Variants in IFIT3 observed in about 807,000 individuals in gnomAD.
IFIT3 encodes interferon induced protein with tetratricopeptide repeats 3.
IFIT3 carries 2 observed loss-of-function variants against 2.4 expected under a neutral mutation model. The observed-to-expected ratio is 0.82, with a 90% CI of 0.34 to 2.60. IFIT3 has a LOEUF of 2.60. IFIT3 is among the 30% of genes most tolerant of loss of function. The pLI is 0.11. For missense variants in IFIT3, 481 were observed against 562.4 expected (o/e 0.86, Z 1.46); for synonymous variants, 203 against 212.1 (o/e 0.96, Z 0.37).
In IFIT3 at chr10:89,340,340, C is replaced by T. The variant is rs1212259977; in HGVS notation, c.*212C>T. The stretch of plus-strand genomic sequence containing the variant: ...TTGGGAGGCCGAGGTGGGCGGATCA[C>T]GAGGTCTGGAGTTTGAGACCATCCT... On this transcript the variant is annotated 3_prime_UTR_variant, in exon 2 of 2. Transcript: ENST00000371818. 4.6e-6 allele frequency: 2 copies of T among 435,578 alleles called. No individual in the cohort carries two copies. The highest frequency in any genetic ancestry group is 8.2e-6 in the Non-Finnish European group (2 of 243,382). The allele number at this position is 435,578 out of a possible 1,614,324, so 27.0% of individuals were successfully genotyped here. A position where few individuals can be genotyped will look rare whatever the true frequency, so the allele number is the denominator to read the frequency against.
Position 89,340,902 on chromosome 10 carries a change from AATACC to A in IFIT3, c.*778_*782del, listed in dbSNP as rs1035996610. On this transcript the variant is annotated 3_prime_UTR_variant, in exon 2 of 2. Transcript: ENST00000371818. ...TGTATTTATATGTATTCTTGATAGC[AATACC>A]ATAATCAATGTGTATTCCTGATAGT... 6.6e-6 allele frequency: 1 copy of A among 152,248 alleles called. No homozygotes were observed. The highest frequency in any genetic ancestry group is 2.4e-5 in the African/African-American group (1 of 41,466). 9.4% of individuals were successfully genotyped at this position (152,248 alleles called of 1,614,324 possible).
chr10:89,340,057 G>A lies in IFIT3; in HGVS notation c.1402G>A (p.Glu468Lys). The A allele has an allele frequency of 6.2e-7, 1 of 1,614,122 alleles. No homozygotes were observed. The highest frequency in any genetic ancestry group is 1.3e-5 in the African/African-American group (1 of 75,048). Residue 468 changes from glutamate to lysine, a missense_variant, in exon 2 of 2, where the codon GAG becomes AAG. Glu to Lys is a moderately conservative substitution (Grantham distance 56). Coordinates refer to ENST00000371818, the MANE Select transcript of IFIT3 (RefSeq NM_001549.6). ...AGCATCTGAGCTTGAGGATGGTAGT[G>A]AGGAAATGGGCCAGGGCGCAGTCAG... is the stretch of plus-strand genomic sequence containing the variant. ...LSASELEDGS[E>K]EMGQGAVSSS...
chr10:89,331,118 A>G (rs1410202761), intron 1 of IFIT3, among the ~76,000 whole-genome samples: 1 of 152,224 alleles, frequency 6.6e-6, no homozygotes, highest in Non-Finnish European at 1.5e-5. Flanking sequence ...TTACATAGGC[A>G]AAGACAGAGG....
chr10:89,332,381 A>G (rs1843663189), intron 1 of IFIT3: 6 of 915,522 alleles, frequency 6.6e-6, no homozygotes, highest in South Asian at 6.5e-5. Context: ...CAGTTTTCCA[A>G]ATCTGTCTGG....
At chr10:89,336,320 A>G (rs955800900) in intron 1 of IFIT3, among the ~76,000 whole-genome samples, 4 of 152,190 alleles carry the variant, frequency 2.6e-5, no homozygotes, top group African/African-American at 9.7e-5. Context: ...CAAGAAAAGG[A>G]AAAGGACTGT....
In IFIT3 at chr10:89,339,517, A is replaced by G. The variant is rs977795494; in HGVS notation, c.862A>G (p.Lys288Glu). The G allele has an allele frequency of 1.9e-6, 3 of 1,614,056 alleles. No individual in the cohort carries two copies. ...YHQIGCCYKA[K>E]VRQMQNTGES... is the part of the protein sequence containing the mutation. ...CCAGATTGGGTGCTGCTACAAGGCA[A>G]AAGTAAGACAAATGCAGAATACAGG... The change falls in exon 2 of 2, where the codon AAA becomes GAA. Residue 288 changes from lysine (K) to glutamate (E), a missense_variant. Transcript: ENST00000371818.
At chr10:89,336,360 C>A (rs17096301) in intron 1 of IFIT3, among the ~76,000 whole-genome samples, 40,393 of 152,040 alleles carry the variant, frequency 0.27, 5,690 homozygotes, top group African/African-American at 0.33. Flanking sequence ...CATAAAGAGG[C>A]TAGCCGGATG....
At chr10:89,334,529 T>C (rs1407175517) in intron 1 of IFIT3, among the ~76,000 whole-genome samples, 1 of 114,472 alleles carries the variant, frequency 8.7e-6, no homozygotes, top group African/African-American at 3.6e-5. Flanking sequence ...GGAGTTTTGC[T>C]CTTTCGCCCA....
At chr10:89,336,158 A>AAGGG (rs529603450) in intron 1 of IFIT3, among the ~76,000 whole-genome samples, 5 of 136,074 alleles carry the variant, frequency 3.7e-5, no homozygotes, top group Admixed American at 1.5e-4. Flanking sequence ...GGGAGGGAGG[A>AAGGG]AGGGAGGGAG....
intron 1 of IFIT3, among the ~76,000 whole-genome samples, chr10:89,332,257 T>C (rs1843661610): frequency 1.3e-5 from 2 of 152,194 alleles, no homozygotes; most frequent in African/African-American, 4.8e-5. Context: ...AAAAAAACAG[T>C]CACGTTACGT....
chr10:89,337,766 T>C (rs1046837451), intron 1 of IFIT3, among the ~76,000 whole-genome samples: 3 of 152,234 alleles, frequency 2.0e-5, no homozygotes, highest in African/African-American at 7.2e-5. Context: ...CTCTTACCCA[T>C]CTTACCTCAC....
chr10:89,330,136 G>A (rs1843635550), intron 1 of IFIT3, among the ~76,000 whole-genome samples: 1 of 152,342 alleles, frequency 6.6e-6, no homozygotes, highest in Non-Finnish European at 1.5e-5. Flanking sequence ...GTACATGCAG[G>A]TCACAGGATA....
chr10:89,339,761 A>G lies in IFIT3; in HGVS notation c.1106A>G (p.Lys369Arg). ...CATCAGCGCTACTGCAACCTTCAGAAATATAATGGGAAGTCTGAAGACACT... is the reference window on the plus strand; with the variant it reads ...CATCAGCGCTACTGCAACCTTCAGAGATATAATGGGAAGTCTGAAGACACT... ...QSHQRYCNLQKYNGKSEDTAV... is the reference protein window; with the variant it reads ...QSHQRYCNLQRYNGKSEDTAV... Residue 369 changes from lysine to arginine, a missense_variant, in exon 2 of 2, where the codon AAA (lysine) becomes AGA (arginine). By Grantham distance (26) the Lys-to-Arg change is conservative. Transcript: ENST00000371818. The G allele has an allele frequency of 6.2e-7, 1 of 1,614,176 alleles. No individual in the cohort carries two copies.
At chr10:89,332,655 A>G in intron 1 of IFIT3, 2 of 1,611,230 alleles carry the variant, frequency 1.2e-6, no homozygotes, top group Non-Finnish European at 1.7e-6. Context: ...CTCTGATAGG[A>G]AACAGAATTT....
intron 1 of IFIT3, among the ~76,000 whole-genome samples, chr10:89,333,982 T>C (rs1384260163): frequency 6.6e-6 from 1 of 152,262 alleles, no homozygotes; most frequent in African/African-American, 2.4e-5. Flanking sequence ...GGATTGGGCC[T>C]GTTCTGACCA....
At position 89,339,764 on chromosome 10, in the gene IFIT3, A is replaced by G. The variant is rs755873427; in HGVS notation, c.1109A>G (p.Tyr370Cys). The G allele has an allele frequency of 2.5e-6, 4 of 1,614,080 alleles. No homozygotes were observed. The South Asian group carries it at 4.4e-5, about 18-fold the overall frequency. ...SHQRYCNLQKYNGKSEDTAVQ... is the reference protein window; with the variant it reads ...SHQRYCNLQKCNGKSEDTAVQ... ...CAGCGCTACTGCAACCTTCAGAAAT[A>G]TAATGGGAAGTCTGAAGACACTGCT... is the stretch of plus-strand genomic sequence containing the variant. The change falls in exon 2 of 2, where the codon TAT (tyrosine) becomes TGT (cysteine). Residue 370 changes from tyrosine to cysteine, a missense_variant. Coordinates refer to ENST00000371818, the MANE Select transcript of IFIT3 (RefSeq NM_001549.6).
chr10:89,336,325 G>A (rs988495108), intron 1 of IFIT3, among the ~76,000 whole-genome samples: 1 of 152,148 alleles, frequency 6.6e-6, no homozygotes, highest in Non-Finnish European at 1.5e-5. Context: ...AAAGGAAAAG[G>A]ACTGTCCCCA....
intron 1 of IFIT3, among the ~76,000 whole-genome samples, chr10:89,334,621 T>C (rs1843706029): frequency 6.7e-6 from 1 of 149,732 alleles, no homozygotes; most frequent in South Asian, 2.1e-4. Flanking sequence ...GCTTCCCGAG[T>C]AGCTGGGATT....
chr10:89,340,761 A>T lies in IFIT3; in HGVS notation c.*633A>T, dbSNP rs1211869097. ...TCCCTGCCAAGGGTCATAAATGGTG[A>T]CTGCCTAACAACAAAATTTGCAGTC... On this transcript the variant is annotated 3_prime_UTR_variant, in exon 2 of 2. Transcript: ENST00000371818. 2 of 152,120 alleles carry T rather than the reference A, an allele frequency of 1.3e-5. No homozygotes were observed. The highest frequency in any genetic ancestry group is 4.8e-5 in the African/African-American group (2 of 41,420). The allele number at this position is 152,120 out of a possible 1,614,324, so 9.4% of individuals were successfully genotyped here.
Sources: allele counts gnomAD v4.1 joint callset (sites outside exome capture counted in the v4.1 genomes callset), GRCh38; gene constraint gnomAD v4.1.1; transcripts MANE v1.5; gene names NCBI Gene and HGNC (gene_info 2026-07-23, HGNC 2026-07-21).